The following ST6GALNAC5 variants were observed in gnomAD, a reference collection of about 807,000 sequenced individuals.
ST6GALNAC5 encodes ST6 N-acetylgalactosaminide alpha-2,6-sialyltransferase 5, also known as alpha-N-acetylgalactosaminide alpha-2,6-sialyltransferase 5.
ST6GALNAC5 carries 27 observed loss-of-function variants against 33.6 expected under a neutral mutation model. The ratio of observed to expected loss-of-function variants is 0.80; its 90% confidence interval spans 0.59 to 1.11. The LOEUF (loss-of-function observed/expected upper bound fraction) is 1.11. Ranked by LOEUF, ST6GALNAC5 falls within the 50% of genes least tolerant of loss-of-function variation. The probability of loss-of-function intolerance (pLI) is 0.00; values close to 1 mark genes in which losing one functional copy is unlikely to be tolerated. For missense variants in ST6GALNAC5, 428 were observed against 454.0 expected, an observed-to-expected ratio of 0.94 and a Z score of 0.52; for synonymous variants, 194 against 171.2, an observed-to-expected ratio of 1.13 and a Z score of -1.04.
At chr1:76,951,284 C>T (rs1197878696) in intron 2 of ST6GALNAC5, among the ~76,000 whole-genome samples, 1 of 152,162 alleles carries the variant, frequency 6.6e-6, no homozygotes, top group Non-Finnish European at 1.5e-5. Context: ...ATTGTCTCCA[C>T]TGAAGAACAA....
intron 2 of ST6GALNAC5, among the ~76,000 whole-genome samples, chr1:76,872,834 C>T (rs1653541081): frequency 6.6e-6 from 1 of 152,096 alleles, no homozygotes; most frequent in African/African-American, 2.4e-5. Flanking sequence ...TGTAATCTGC[C>T]AATGATGATG....
At chr1:76,880,282 A>G (rs1653747910) in intron 2 of ST6GALNAC5, among the ~76,000 whole-genome samples, 1 of 152,188 alleles carries the variant, frequency 6.6e-6, no homozygotes, top group Admixed American at 6.5e-5. Context: ...AGTGTTTTCC[A>G]TAGTATTAGA....
chr1:76,899,275 G>A (rs1361493582), intron 2 of ST6GALNAC5, among the ~76,000 whole-genome samples: 2 of 151,996 alleles, frequency 1.3e-5, no homozygotes, highest in Non-Finnish European at 2.9e-5. Flanking sequence ...TGCCCATAGT[G>A]AAGGAGGCAA....
chr1:76,890,545 G>GT (rs34481431), intron 2 of ST6GALNAC5, among the ~76,000 whole-genome samples: 59,013 of 145,348 alleles, frequency 0.41, 11,830 homozygotes, highest in Non-Finnish European at 0.44. Context: ...TTTTACTTCA[G>GT]TTTTTTTTTT....
chr1:76,957,712 A>C (rs1217588319), intron 2 of ST6GALNAC5, among the ~76,000 whole-genome samples: 1 of 150,968 alleles, frequency 6.6e-6, no homozygotes, highest in Admixed American at 6.7e-5. Flanking sequence ...TATTAGGCAA[A>C]ATAACATTTT....
intron 2 of ST6GALNAC5, among the ~76,000 whole-genome samples, chr1:76,911,849 A>C (rs893156865): frequency 6.6e-6 from 1 of 151,986 alleles, no homozygotes; most frequent in African/African-American, 2.4e-5. Context: ...CGGTCTATCA[A>C]TTCTGTTGCT....
chr1:77,062,116 G>A (rs1169806281), intron 4 of ST6GALNAC5, among the ~76,000 whole-genome samples: 1 of 152,080 alleles, frequency 6.6e-6, no homozygotes, highest in Admixed American at 6.6e-5. Flanking sequence ...TTGCTATTTA[G>A]CTGCTAATTC....
At chr1:77,034,380 C>T (rs932772772) in intron 2 of ST6GALNAC5, among the ~76,000 whole-genome samples, 2 of 152,148 alleles carry the variant, frequency 1.3e-5, no homozygotes, top group African/African-American at 2.4e-5. Flanking sequence ...AGCCTACCCT[C>T]ATCCAGTATG....
At chr1:76,959,647 T>A (rs932760000) in intron 2 of ST6GALNAC5, among the ~76,000 whole-genome samples, 2 of 152,222 alleles carry the variant, frequency 1.3e-5, no homozygotes, top group Non-Finnish European at 2.9e-5. Context: ...CTCTTGGCAC[T>A]TGAGGCTCTC....
intron 2 of ST6GALNAC5, among the ~76,000 whole-genome samples, chr1:77,002,357 T>C (rs930751069): frequency 5.5e-4 from 84 of 152,336 alleles, no homozygotes; most frequent in Non-Finnish European, 1.0e-3. Flanking sequence ...CATTTTTTAT[T>C]GTGTCTATTT....
At chr1:76,901,176 G>A (rs931117056) in intron 2 of ST6GALNAC5, among the ~76,000 whole-genome samples, 5 of 152,136 alleles carry the variant, frequency 3.3e-5, no homozygotes, top group African/African-American at 1.2e-4. Context: ...TCAACACAGG[G>A]CCAAAAAATA....
At chr1:76,867,805 T>C in intron 1 of ST6GALNAC5, 115 bp downstream of exon 1, 4 of 1,469,530 alleles carry the variant, frequency 2.7e-6, no homozygotes, top group Non-Finnish European at 3.8e-6. Context: ...AGGTCGCCTG[T>C]TACAAAGGGA....
chr1:76,906,227 C>A (rs1350754812), intron 2 of ST6GALNAC5, among the ~76,000 whole-genome samples: 2 of 152,090 alleles, frequency 1.3e-5, no homozygotes, highest in Admixed American at 6.6e-5. Context: ...AAGGCCCTTT[C>A]GAGATGGAGA....
rs199641154 is a variant in ST6GALNAC5, at chr1:76,907,659, A to G, written c.261+38917A>G. On this transcript the variant is annotated intron_variant, in intron 2 of 4. Transcript: ENST00000477717. ...CGTGAGTTTAAATTCCTCCAACTCT[A>G]TCCAAGGGTCCACGTTCCCCTATCC... 9.2e-5 allele frequency among the ~76,000 whole-genome samples: 14 copies of G among 152,150 alleles called. No homozygotes were observed. In the East Asian group the frequency reaches 2.3e-3, roughly 25 times the overall value.
Position 77,063,158 on chromosome 1 carries a change from A to C in ST6GALNAC5, c.963A>C (p.Lys321Asn). The C allele has an allele frequency of 4.3e-6, 7 of 1,613,850 alleles. No individual in the cohort carries two copies. Among genetic ancestry groups the C allele is most frequent in the Non-Finnish European group, 5.9e-6 (7 of 1,179,828 alleles). Residue 321 changes from lysine (K) to asparagine (N), a missense_variant, in exon 5 of 5, where the codon AAA becomes AAC. Lys to Asn is a moderately conservative substitution (Grantham distance 94). Transcript: ENST00000477717. Reference protein sequence around the residue: ...FNIHFFQPDWKPESLAINHPE... With the variant: ...FNIHFFQPDWNPESLAINHPE... ...TTCACTTTTTTCAACCAGACTGGAA[A>C]CCAGAATCACTTGCTATAAATCATC...
intron 2 of ST6GALNAC5, among the ~76,000 whole-genome samples, chr1:76,938,089 G>A (rs1488351868): frequency 6.6e-6 from 1 of 152,052 alleles, no homozygotes; most frequent in Non-Finnish European, 1.5e-5. Context: ...GGAAACAAAA[G>A]GAGGAGATAA....
intron 2 of ST6GALNAC5, among the ~76,000 whole-genome samples, chr1:76,914,548 C>G (rs1243506947): frequency 6.6e-6 from 1 of 152,152 alleles, no homozygotes. Flanking sequence ...ATATCTACAA[C>G]TATCTGATCT....
chr1:76,993,915 G>GA (rs967257746), intron 2 of ST6GALNAC5, among the ~76,000 whole-genome samples: 1 of 150,228 alleles, frequency 6.7e-6, no homozygotes, highest in African/African-American at 2.4e-5. Context: ...GGTTGAAAAG[G>GA]AAAAAAAGAA....
In ST6GALNAC5 at chr1:76,868,789, C is replaced by T. The variant is rs1263528180; in HGVS notation, c.261+47C>T. ...CGCTCGCCACTCAGCCTGGGGATCC[C>T]GCACACCTGAGCCTTCCCCCTTTCC... On this transcript the variant is annotated intron_variant, in intron 2 of 4. Coordinates refer to ENST00000477717, the MANE Select transcript of ST6GALNAC5 (RefSeq NM_030965.3). The surrounding 1 kb of genome is among the most constrained non-coding windows in gnomAD (Gnocchi z 4.3). 1 of 1,453,634 alleles carries T rather than the reference C, an allele frequency of 6.9e-7. No individual in the cohort carries two copies. Among genetic ancestry groups the T allele is most frequent in the South Asian group, 1.5e-5 (1 of 68,780 alleles). 90.0% of individuals were successfully genotyped at this position (1,453,634 alleles called of 1,614,324 possible).
Sources: gnomAD v4.1 joint callset for allele counts (sites outside exome capture counted in the v4.1 genomes callset) on GRCh38, gnomAD v4.1.1 for gene constraint, Gnocchi (gnomAD v3.1) non-coding constraint, MANE v1.5 for transcripts, NCBI Gene and HGNC (gene_info 2026-07-23, HGNC 2026-07-21) for gene names.